Variants in NRXN1 observed in about 807,000 individuals in gnomAD.
NRXN1 encodes neurexin 1, also known as neurexin-1.
A neutral mutation model predicts 150.9 loss-of-function variants in NRXN1; 39 were observed. The observed-to-expected ratio is 0.26, with a 90% CI of 0.20 to 0.34. The LOEUF (loss-of-function observed/expected upper bound fraction) is 0.34, where lower values mean the gene tolerates loss of function less well. Ranked by LOEUF, NRXN1 falls within the 10% of genes least tolerant of loss-of-function variation. The pLI, the probability that NRXN1 is intolerant of heterozygous loss-of-function variation, is 1.00. For missense variants in NRXN1, 1,815 were observed against 1,949.9 expected, an observed-to-expected ratio of 0.93 and a Z score of 1.30; for synonymous variants, 924 against 757.0, an observed-to-expected ratio of 1.22 and a Z score of -3.62.
chr2:49,923,985 A>G (rs1668658768), intron 22 of NRXN1, among the ~76,000 whole-genome samples: 1 of 152,222 alleles, frequency 6.6e-6, no homozygotes, highest in Non-Finnish European at 1.5e-5. Flanking sequence ...AATCCACAGT[A>G]TTTGATTACA....
At chr2:50,745,305 C>CCG (rs1554039534) in intron 5 of NRXN1, among the ~76,000 whole-genome samples, 1 of 146,428 alleles carries the variant, frequency 6.8e-6, no homozygotes, top group South Asian at 2.3e-4. Context: ...ATCTGCCCCC[C>CCG]CCCAGGACTG....
intron 15 of NRXN1, among the ~76,000 whole-genome samples, chr2:50,472,828 T>TGTGTGTGTGC (rs2089646369): frequency 3.9e-5 from 3 of 77,800 alleles, no homozygotes; most frequent in African/African-American, 1.1e-4. Context: ...TGTGTGTGTG[T>TGTGTGTGTGC]GTATATATAT....
intron 12 of NRXN1, among the ~76,000 whole-genome samples, chr2:50,514,908 T>A (rs893046594): frequency 3.9e-5 from 6 of 152,048 alleles, no homozygotes; most frequent in African/African-American, 1.2e-4. Flanking sequence ...AAATACTAAT[T>A]CTCCTAACTT....
chr2:50,922,700 C>G lies in NRXN1; in HGVS notation c.791-13G>C. The G allele has an allele frequency of 6.2e-7, 1 of 1,609,982 alleles. No homozygotes were observed. The highest frequency in any genetic ancestry group is 8.5e-7 in the Non-Finnish European group (1 of 1,177,888). On this transcript the variant is annotated splice_polypyrimidine_tract_variant and intron_variant, in intron 3 of 22. Coordinates refer to ENST00000401669, the MANE Select transcript of NRXN1 (RefSeq NM_001330078.2). The stretch of plus-strand genomic sequence containing the variant: ...AGGTGCGCCAGACCTTGAAGGGAAA[C>G]AAGAGCACAGTCAGCAATAAACAAG...
intron 17 of NRXN1, among the ~76,000 whole-genome samples, chr2:50,446,582 C>T (rs2086432628): frequency 7.1e-6 from 1 of 141,302 alleles, no homozygotes; most frequent in African/African-American, 2.6e-5. Flanking sequence ...TTCTTTCCTC[C>T]TTCCTTCCTT....
At chr2:50,781,456 A>C (rs909900134) in intron 5 of NRXN1, among the ~76,000 whole-genome samples, 4 of 152,148 alleles carry the variant, frequency 2.6e-5, no homozygotes, top group Admixed American at 1.3e-4. Flanking sequence ...CCAAGCGCTT[A>C]GCCCTGAACA....
At chr2:49,976,065 C>A (rs1678919739) in intron 21 of NRXN1, among the ~76,000 whole-genome samples, 1 of 140,714 alleles carries the variant, frequency 7.1e-6, no homozygotes, top group Non-Finnish European at 1.5e-5. Flanking sequence ...CTCTGTCACC[C>A]AGGCTGGAGT....
chr2:50,702,242 A>T (rs1332967328), intron 5 of NRXN1, among the ~76,000 whole-genome samples: 4 of 152,078 alleles, frequency 2.6e-5, no homozygotes, highest in African/African-American at 9.7e-5. Flanking sequence ...ACATATTTTC[A>T]CATTGAACTC....
intron 18 of NRXN1, among the ~76,000 whole-genome samples, chr2:50,226,998 C>A (rs751296498): frequency 2.6e-5 from 4 of 151,872 alleles, no homozygotes; most frequent in African/African-American, 9.7e-5. Context: ...CTAAAGTGCA[C>A]GAAATAGATA....
rs57580154 is a variant in NRXN1 at position 50,026,859 on chromosome 2, C to CT, written c.4128+26411dup. 1.6e-3 allele frequency among the ~76,000 whole-genome samples: 106 copies of CT among 65,232 alleles called. 15 individuals carry two copies. The highest frequency in any genetic ancestry group is 3.3e-3 in the African/African-American group (51 of 15,534). The allele number at this position is 65,232 out of a possible 152,430, so 42.8% of individuals were successfully genotyped here. Reference sequence around the variant, plus strand: ...TTGCATTGTTTAAGTCTTTTCTTTTCTTTTTTTTTTTTTTTTTTTTTTTTT... The same window carrying CT: ...TTGCATTGTTTAAGTCTTTTCTTTTCTTTTTTTTTTTTTTTTTTTTTTTTTT... On this transcript the variant is annotated intron_variant, in intron 21 of 22. Transcript: ENST00000401669.
At chr2:50,942,297 T>A (rs555295195) in intron 2 of NRXN1, among the ~76,000 whole-genome samples, 1 of 152,144 alleles carries the variant, frequency 6.6e-6, no homozygotes, top group Admixed American at 6.5e-5. Flanking sequence ...ACTAGGGCAA[T>A]GCAGAGAGGA....
At chr2:50,082,046 C>T (rs1698050351) in intron 19 of NRXN1, among the ~76,000 whole-genome samples, 1 of 152,154 alleles carries the variant, frequency 6.6e-6, no homozygotes, top group Admixed American at 6.5e-5. Context: ...AAACCTAATA[C>T]TCTTTAATAT....
intron 18 of NRXN1, among the ~76,000 whole-genome samples, chr2:50,104,156 G>A (rs1012602925): frequency 2.0e-5 from 3 of 151,984 alleles, no homozygotes; most frequent in South Asian, 4.1e-4. Context: ...ATCTACTGGA[G>A]TACAAAAGAC....
intron 2 of NRXN1, among the ~76,000 whole-genome samples, chr2:50,949,724 A>T (rs895599488): frequency 2.6e-5 from 4 of 152,046 alleles, no homozygotes; most frequent in Non-Finnish European, 5.9e-5. Flanking sequence ...TGGAAAAACT[A>T]GGAGGTCAAA....
intron 19 of NRXN1, among the ~76,000 whole-genome samples, chr2:50,059,753 C>T (rs1364008442): frequency 2.0e-5 from 3 of 152,208 alleles, no homozygotes; most frequent in African/African-American, 7.2e-5. Context: ...GGCAAATGTA[C>T]AGCTCAGGTC....
At chr2:50,899,706 C>A (rs1682617026) in intron 5 of NRXN1, among the ~76,000 whole-genome samples, 1 of 152,116 alleles carries the variant, frequency 6.6e-6, no homozygotes, top group Non-Finnish European at 1.5e-5. Flanking sequence ...AATGTGACAA[C>A]AGACTATACA....
intron 18 of NRXN1, among the ~76,000 whole-genome samples, chr2:50,192,783 A>AT (rs1443107650): frequency 6.6e-6 from 1 of 151,818 alleles, no homozygotes; most frequent in African/African-American, 2.4e-5. Flanking sequence ...ATTTTTTTGT[A>AT]TTTTTTAGTA....
chr2:50,349,760 C>T lies in NRXN1; in HGVS notation c.3365-112790G>A, dbSNP rs116369559. On this transcript the variant is annotated intron_variant, in intron 17 of 22. Transcript: ENST00000401669. ...CTGACATGAAGGCGTTATGTCTCTT[C>T]TCTCATACAGGTCTAACATATTCAA... Among the ~76,000 whole-genome samples, 1,075 of 152,294 alleles carry T rather than the reference C, an allele frequency of 7.1e-3. 16 individuals are homozygous for T. Among genetic ancestry groups the T allele is most frequent in the African/African-American group, 0.025 (1,047 of 41,560 alleles).
intron 22 of NRXN1, among the ~76,000 whole-genome samples, chr2:49,942,002 GT>G (rs1171361121): frequency 6.6e-6 from 1 of 152,088 alleles, no homozygotes; most frequent in African/African-American, 2.4e-5. Context: ...TTTTGTTGTT[GT>G]TGTTGCTAAC....
Sources: allele counts gnomAD v4.1 joint callset (sites outside exome capture counted in the v4.1 genomes callset), GRCh38; gene constraint gnomAD v4.1.1; transcripts MANE v1.5; gene names NCBI Gene and HGNC (gene_info 2026-07-23, HGNC 2026-07-21).